Variants in POLD3 observed in about 807,000 individuals in gnomAD.
POLD3 encodes the protein DNA polymerase delta 3, accessory subunit, also known as DNA polymerase delta subunit 3.
A neutral mutation model predicts 58.2 loss-of-function variants in POLD3; 19 were observed. The observed-to-expected ratio is 0.33, with a 90% CI of 0.23 to 0.48. POLD3 has a LOEUF of 0.48. POLD3 is among the 20% of genes least tolerant of loss of function. POLD3 has a pLI of 0.99. For missense variants in POLD3, 504 were observed against 545.5 expected, an observed-to-expected ratio of 0.92 and a Z score of 0.76; for synonymous variants, 172 against 193.5, an observed-to-expected ratio of 0.89 and a Z score of 0.92.
intron 4 of POLD3, among the ~76,000 whole-genome samples, chr11:74,651,442 A>G (rs2033067363): frequency 6.6e-6 from 1 of 152,252 alleles, no homozygotes; most frequent in Admixed American, 6.5e-5. Context: ...CTACACAGTC[A>G]TGAACAAGGC....
At position 74,640,866 on chromosome 11, in the gene POLD3, C is replaced by T; in HGVS notation, c.*100C>T. 7.3e-7 allele frequency: 1 copy of T among 1,369,028 alleles called. No homozygotes were observed. Among genetic ancestry groups the T allele is most frequent in the Non-Finnish European group, 9.4e-7 (1 of 1,058,460 alleles). The allele number at this position is 1,369,028 out of a possible 1,614,324, so 84.8% of individuals were successfully genotyped here. A position where few individuals can be genotyped will look rare whatever the true frequency, so the allele number is the denominator to read the frequency against. On this transcript the variant is annotated 3_prime_UTR_variant, in exon 12 of 12. Transcript: ENST00000263681. The stretch of plus-strand genomic sequence containing the variant: ...TGTAAGTTCATCTAGATCTCCACCT[C>T]ACCTGTATCAAAAGACTGTTCTTTC...
intron 7 of POLD3, among the ~76,000 whole-genome samples, chr11:74,622,727 T>C (rs1018792004): frequency 6.6e-6 from 1 of 152,180 alleles, no homozygotes; most frequent in African/African-American, 2.4e-5. Context: ...ATTGAACCCT[T>C]GTGCTCTGCT....
At chr11:74,640,446 G>A in intron 11 of POLD3, 118 bp from the exon 12 acceptor site, 2 of 1,233,714 alleles carry the variant, frequency 1.6e-6, no homozygotes, top group Non-Finnish European at 2.2e-6. Context: ...TGAGTCCTAA[G>A]TAAGCATATT....
chr11:74,660,199 A>T (rs995553642), intron 4 of POLD3, among the ~76,000 whole-genome samples: 4 of 152,198 alleles, frequency 2.6e-5, no homozygotes, highest in Non-Finnish European at 2.9e-5. Flanking sequence ...CTATCATGAG[A>T]ATAGCACAGG....
Position 74,618,580 on chromosome 11 carries a change from G to A in POLD3, c.436G>A (p.Ala146Thr). Residue 146 changes from alanine to threonine, a missense_variant, in exon 6 of 12, where the codon GCT becomes ACT. Transcript: ENST00000263681. ...TGCAGCTGCCGTCCCTAGAGCTCCT[G>A]CTGAATCCTCTTCGTCTTCCAAAAA... is the stretch of plus-strand genomic sequence containing the variant. ...QCAAAVPRAPAESSSSSKKFE... is the reference protein window; with the variant it reads ...QCAAAVPRAPTESSSSSKKFE... The A allele has an allele frequency of 6.2e-7, 1 of 1,613,584 alleles. No homozygotes were observed. Among genetic ancestry groups the A allele is most frequent in the African/African-American group, 1.3e-5 (1 of 74,984 alleles).
At chr11:74,610,391 A>G (rs948401751) in intron 3 of POLD3, among the ~76,000 whole-genome samples, 4 of 152,016 alleles carry the variant, frequency 2.6e-5, no homozygotes, top group Non-Finnish European at 4.4e-5. Flanking sequence ...TTGTATTTTT[A>G]GTAGAGTCAG....
At chr11:74,628,863 A>G (rs1321198965) in intron 8 of POLD3, 2 of 164,752 alleles carry the variant, frequency 1.2e-5, no homozygotes, top group African/African-American at 4.8e-5. Flanking sequence ...CTCAATGGCT[A>G]GCAAAGAGCC....
chr11:74,632,275 T>G (rs1295395749), intron 9 of POLD3, among the ~76,000 whole-genome samples: 1 of 152,202 alleles, frequency 6.6e-6, no homozygotes, highest in African/African-American at 2.4e-5. Flanking sequence ...TCTCTGAAAT[T>G]AGTTTCATTG....
intron 9 of POLD3, among the ~76,000 whole-genome samples, chr11:74,631,451 C>A: frequency 6.8e-6 from 1 of 147,784 alleles, no homozygotes; most frequent in African/African-American, 2.5e-5. Flanking sequence ...GTGCTTGGTA[C>A]ATGGTTTTCT....
chr11:74,636,181 T>A lies in POLD3; in HGVS notation c.1120-16T>A, dbSNP rs1454856554. 6.2e-7 allele frequency: 1 copy of A among 1,605,914 alleles called. No individual in the cohort carries two copies. The highest frequency in any genetic ancestry group is 1.1e-5 in the South Asian group (1 of 90,608). On this transcript the variant is annotated splice_polypyrimidine_tract_variant and intron_variant, in intron 10 of 11. Coordinates refer to ENST00000263681, the MANE Select transcript of POLD3 (RefSeq NM_006591.3). ...ATAATTGATCCAGCTTAACATTGTA[T>A]CCTCTGACCTTTTAGAGCTCAAGTG...
chr11:74,634,538 A>G (rs772110465), intron 9 of POLD3, 45 bp from the exon 10 acceptor site: 1 of 1,016,826 alleles, frequency 9.8e-7, no homozygotes. Flanking sequence ...TTTATACCAG[A>G]TAGTGCTTGT....
intron 4 of POLD3, among the ~76,000 whole-genome samples, chr11:74,667,097 A>G (rs1056199829): frequency 6.6e-6 from 1 of 152,236 alleles, no homozygotes; most frequent in African/African-American, 2.4e-5. Context: ...TATACCATGC[A>G]TAGAAATTAA....
chr11:74,641,177 T>C lies in POLD3; in HGVS notation c.*411T>C. ...TATTCTAAGAATTCATGTGGGTGTT[T>C]CTTATCCTTACATTCTGCTGGATAC... On this transcript the variant is annotated 3_prime_UTR_variant, in exon 12 of 12. Transcript: ENST00000263681. The C allele has an allele frequency of 1.0e-6, 1 of 987,180 alleles. No homozygotes were observed. The highest frequency in any genetic ancestry group is 1.2e-6 in the Non-Finnish European group (1 of 831,116). The allele number at this position is 987,180 out of a possible 1,614,324, so 61.2% of individuals were successfully genotyped here.
intron 9 of POLD3, among the ~76,000 whole-genome samples, chr11:74,634,285 GA>G (rs1161881805): frequency 6.6e-6 from 1 of 152,218 alleles, no homozygotes; most frequent in East Asian, 1.9e-4. Context: ...CATGGCATAT[GA>G]AAGGCGATAA....
downstream of POLD3, among the ~76,000 whole-genome samples, chr11:74,643,991 A>C (rs753355835): frequency 6.6e-6 from 1 of 152,208 alleles, no homozygotes; most frequent in Non-Finnish European, 1.5e-5. Context: ...TAGCAGAATC[A>C]ATTTTTTAAA....
At chr11:74,593,168 C>G (rs528318851) in intron 1 of POLD3, 4 of 418,112 alleles carry the variant, frequency 9.6e-6, no homozygotes, top group Non-Finnish European at 1.3e-5. Flanking sequence ...GAGGTTTGAT[C>G]CGCTTCACAC....
intron 4 of POLD3, among the ~76,000 whole-genome samples, chr11:74,664,651 G>A (rs570083702): frequency 3.3e-5 from 5 of 152,000 alleles, no homozygotes; most frequent in African/African-American, 9.7e-5. Context: ...AAAAAATTAC[G>A]AAGATGAATC....
At chr11:74,666,359 G>A (rs560598655) in intron 4 of POLD3, among the ~76,000 whole-genome samples, 8 of 152,274 alleles carry the variant, frequency 5.3e-5, no homozygotes, top group Non-Finnish European at 8.8e-5. Flanking sequence ...AGTGGCTCAC[G>A]CCTGTAATCC....
chr11:74,669,104 C>T (rs2033308679), exon 5 of POLD3: 1 of 217,388 alleles, frequency 4.6e-6, no homozygotes, highest in Admixed American at 5.3e-5. Flanking sequence ...GCTTTAGCAC[C>T]ATCTTGCTGT....
Sources: allele counts gnomAD v4.1 joint callset (sites outside exome capture counted in the v4.1 genomes callset), GRCh38; gene constraint gnomAD v4.1.1; transcripts MANE v1.5; gene names NCBI Gene and HGNC (gene_info 2026-07-23, HGNC 2026-07-21).